Variants in SLIT1 observed in about 807,000 individuals in gnomAD.
The protein encoded by SLIT1 is slit homolog 1 protein.
A neutral mutation model predicts 186.1 loss-of-function variants in SLIT1; 66 were observed. That is an observed-to-expected ratio of 0.35 (90% CI 0.29 to 0.44). The LOEUF (loss-of-function observed/expected upper bound fraction) is 0.44, where lower values mean the gene tolerates loss of function less well. Among genes scored for constraint, SLIT1 ranks in the 20% least tolerant of loss-of-function variants. The pLI, the probability that SLIT1 is intolerant of heterozygous loss-of-function variation, is 1.00. For missense variants in SLIT1, 1,638 were observed against 2,037.4 expected (o/e 0.80, Z 3.77); for synonymous variants, 761 against 833.8 (o/e 0.91, Z 1.50).
intron 14 of SLIT1, among the ~76,000 whole-genome samples, chr10:97,048,421 T>C (rs111821087): frequency 0.023 from 3,446 of 152,204 alleles, 150 homozygotes; most frequent in African/African-American, 0.079. Context: ...GAGGCTCCTA[T>C]CTCACTAAGG....
intron 23 of SLIT1, 24 bp downstream of exon 23, chr10:97,034,447 C>G (rs375700347): frequency 1.7e-4 from 267 of 1,594,906 alleles, no homozygotes; most frequent in Non-Finnish European, 2.1e-4. Flanking sequence ...CGGGGCCCCC[C>G]ACCCCAGCCC....
chr10:97,006,524 T>G lies in SLIT1; in HGVS notation c.3538A>C (p.Thr1180Pro). The change falls in exon 32 of 37, where the codon ACT (threonine) becomes CCT (proline). Residue 1180 changes from threonine to proline, a missense_variant. Coordinates refer to ENST00000266058, the MANE Select transcript of SLIT1 (RefSeq NM_003061.3). This position sits in a 1 kb window ranked among gnomAD's most constrained non-coding sequence, Gnocchi z 4.0. ...FVDRDTYLQFTDLQNWPRANI... is the reference protein window; with the variant it reads ...FVDRDTYLQFPDLQNWPRANI... ...GCCCGTGGCCAGTTTTGCAGGTCAG[T>G]GAACTGCAGGTAAGTGTCCCGATCC... The G allele has an allele frequency of 6.2e-7, 1 of 1,614,168 alleles. No individual in the cohort carries two copies. The highest frequency in any genetic ancestry group is 8.5e-7 in the Non-Finnish European group (1 of 1,180,010).
intron 4 of SLIT1, among the ~76,000 whole-genome samples, chr10:97,119,913 G>GTGTATATATATATA (rs1241836707): frequency 0.01 from 582 of 56,510 alleles, 15 homozygotes; most frequent in Admixed American, 0.012. Flanking sequence ...TTCCAAAGGG[G>GTGTATATATATATA]TATATATATA....
At chr10:97,119,886 G>A in intron 4 of SLIT1, among the ~76,000 whole-genome samples, 1 of 114,356 alleles carries the variant, frequency 8.7e-6, no homozygotes. Context: ...AAGTTTAGGA[G>A]GAAATACATA....
intron 4 of SLIT1, among the ~76,000 whole-genome samples, chr10:97,138,005 A>G (rs1192500172): frequency 6.6e-6 from 1 of 152,230 alleles, no homozygotes; most frequent in Non-Finnish European, 1.5e-5. Flanking sequence ...TCTAAACTCA[A>G]CTTCCCTGTT....
At chr10:97,025,547 C>T (rs970652433) in intron 25 of SLIT1, among the ~76,000 whole-genome samples, 10 of 152,106 alleles carry the variant, frequency 6.6e-5, no homozygotes, top group Non-Finnish European at 1.3e-4. Context: ...GACTATTTCT[C>T]CTGACGAAAA....
At chr10:97,061,560 T>C (rs557528087) in intron 8 of SLIT1, among the ~76,000 whole-genome samples, 130 of 152,372 alleles carry the variant, frequency 8.5e-4, no homozygotes, top group South Asian at 3.7e-3. Flanking sequence ...TAGTTTCTCT[T>C]GTGTCTGGCT....
At chr10:97,113,196 G>C (rs1849480050) in intron 4 of SLIT1, among the ~76,000 whole-genome samples, 1 of 152,074 alleles carries the variant, frequency 6.6e-6, no homozygotes, top group African/African-American at 2.4e-5. Flanking sequence ...AACGTCAAAG[G>C]ATTTTCCATC....
intron 31 of SLIT1, among the ~76,000 whole-genome samples, chr10:97,008,506 C>T (rs1220379406): frequency 6.6e-6 from 1 of 152,092 alleles, no homozygotes; most frequent in African/African-American, 2.4e-5. Context: ...ACCAGCCTGG[C>T]TAACATGGTG....
Position 96,998,810 on chromosome 10 carries a change from G to GAACA in SLIT1, c.*2298_*2301dup, listed in dbSNP as rs1203616070. On this transcript the variant is annotated 3_prime_UTR_variant, in exon 37 of 37. Transcript: ENST00000266058. Reference sequence around the variant, plus strand: ...CTTAAGCTCACATGGTGCTCCCTAGGAACAAACATGCCAGCCGCTCACCTC... The same window carrying GAACA: ...CTTAAGCTCACATGGTGCTCCCTAGGAACAAACAAACATGCCAGCCGCTCACCTC... 1 of 152,344 alleles carries GAACA rather than the reference G, an allele frequency of 6.6e-6. No homozygotes were observed. The highest frequency in any genetic ancestry group is 1.9e-4 in the East Asian group (1 of 5,190). 9.4% of individuals were successfully genotyped at this position (152,344 alleles called of 1,614,324 possible).
chr10:96,998,706 T>G lies in SLIT1; in HGVS notation c.*2406A>C, dbSNP rs1848271220. On this transcript the variant is annotated 3_prime_UTR_variant, in exon 37 of 37. Transcript: ENST00000266058. Reference sequence around the variant, plus strand: ...AGCTCTCACATCATCTCATGGTGGATTCCAATCCTCAGACTGCACTGAGGT... The same window carrying G: ...AGCTCTCACATCATCTCATGGTGGAGTCCAATCCTCAGACTGCACTGAGGT... 6.6e-6 allele frequency: 1 copy of G among 152,302 alleles called. No homozygotes were observed. Among genetic ancestry groups the G allele is most frequent in the African/African-American group, 2.4e-5 (1 of 41,456 alleles). 9.4% of individuals were successfully genotyped at this position (152,302 alleles called of 1,614,324 possible).
At chr10:97,104,111 A>G (rs1170790762) in intron 4 of SLIT1, among the ~76,000 whole-genome samples, 1 of 152,000 alleles carries the variant, frequency 6.6e-6, no homozygotes, top group African/African-American at 2.4e-5. Context: ...GGTGAGGGGT[A>G]AAAGCACTGG....
In SLIT1 at chr10:97,150,669, C is replaced by A. The variant is rs79957691; in HGVS notation, c.413+7149G>T. 3.7e-3 allele frequency among the ~76,000 whole-genome samples: 538 copies of A among 144,380 alleles called. 4 individuals carry two copies. The highest frequency in any genetic ancestry group is 0.013 in the African/African-American group (509 of 39,078). The allele number at this position is 144,380 out of a possible 152,430, so 94.7% of individuals were successfully genotyped here. On this transcript the variant is annotated intron_variant, in intron 4 of 36. Coordinates refer to ENST00000266058, the MANE Select transcript of SLIT1 (RefSeq NM_003061.3). ...TATTGGTTTCAAGGCTAAAAGGAAG[C>A]CCAGAGGAACTGGGTTTCCAGAAGC...
At chr10:97,060,917 T>A in intron 8 of SLIT1, 130 bp from the exon 9 acceptor site, 1 of 1,000,266 alleles carries the variant, frequency 1.0e-6, no homozygotes, top group Non-Finnish European at 1.4e-6. Context: ...CCAGAGGGGA[T>A]CACTAATGAA....
chr10:97,178,789 AAGTGT>A, intron 1 of SLIT1, among the ~76,000 whole-genome samples: 1 of 48,312 alleles, frequency 2.1e-5, no homozygotes, highest in Non-Finnish European at 6.4e-5. Flanking sequence ...GAGAGAGAGA[AAGTGT>A]GTGTGTGTGT....
intron 13 of SLIT1, among the ~76,000 whole-genome samples, chr10:97,052,892 A>C (rs1466959484): frequency 6.6e-6 from 1 of 152,228 alleles, no homozygotes; most frequent in Non-Finnish European, 1.5e-5. Context: ...GTTGTAGTTC[A>C]GTTGTTAACA....
At chr10:97,041,586 C>T (rs1396566940) in intron 20 of SLIT1, among the ~76,000 whole-genome samples, 1 of 152,006 alleles carries the variant, frequency 6.6e-6, no homozygotes, top group Non-Finnish European at 1.5e-5. Flanking sequence ...ATTCTTCTGC[C>T]TCAGCCTCCC....
rs1850082740 is a variant in SLIT1 at position 97,164,869 on chromosome 10, G to A, written c.219C>T (p.Ile73=). ...TERLELNGNN[I]TRIHKNDFAG... Reference sequence around the variant, plus strand: ...CAAAGTCATTCTTATGGATCCGAGTGATGTTGTTGCCATTGAGTTCCCTGG... The same window carrying A: ...CAAAGTCATTCTTATGGATCCGAGTAATGTTGTTGCCATTGAGTTCCCTGG... Residue 73 remains isoleucine (I), a synonymous_variant, in exon 2 of 37, where the codon ATC becomes ATT. Coordinates refer to ENST00000266058, the MANE Select transcript of SLIT1 (RefSeq NM_003061.3). The A allele has an allele frequency of 1.9e-6, 3 of 1,613,564 alleles. No homozygotes were observed. The African/African-American group carries it at 4.0e-5, about 22-fold the overall frequency.
intron 4 of SLIT1, among the ~76,000 whole-genome samples, chr10:97,098,997 C>T (rs79931453): frequency 0.05 from 7,681 of 152,252 alleles, 237 homozygotes; most frequent in Admixed American, 0.073. Flanking sequence ...GAGACCAGGT[C>T]CTCAGGCAGG....
Sources: gnomAD v4.1 joint callset for allele counts (sites outside exome capture counted in the v4.1 genomes callset) on GRCh38, gnomAD v4.1.1 for gene constraint, Gnocchi (gnomAD v3.1) non-coding constraint, MANE v1.5 for transcripts, NCBI Gene and HGNC (gene_info 2026-07-23, HGNC 2026-07-21) for gene names.